MEGF10: variants seen among roughly 807,000 people sequenced by gnomAD.
MEGF10 encodes multiple epidermal growth factor-like domains protein 10.
In MEGF10, 86 loss-of-function variants were observed where a neutral mutation model predicts 147.5. The ratio of observed to expected loss-of-function variants is 0.58; its 90% CI spans 0.49 to 0.70. The LOEUF (loss-of-function observed/expected upper bound fraction) is 0.70, where lower values mean the gene tolerates loss of function less well. MEGF10 is among the 30% of genes least tolerant of loss of function. MEGF10 has a pLI of 0.00. For missense variants in MEGF10, 1,329 were observed against 1,487.3 expected (o/e 0.89, Z 1.75); for synonymous variants, 478 against 525.5 (o/e 0.91, Z 1.24).
At position 127,392,960 on chromosome 5, in the gene MEGF10, C is replaced by T. The variant is rs116703158; in HGVS notation, c.413-3572C>T. On this transcript the variant is annotated intron_variant, in intron 5 of 24. Coordinates refer to ENST00000503335, the MANE Select transcript of MEGF10 (RefSeq NM_001256545.2). ...CTTGCATCTGAGAGCCCATTTCCGG[C>T]GGTTAGTGCAGTTAGAACTGAAACC... Among the ~76,000 whole-genome samples, 917 of 152,282 alleles carry T rather than the reference C, an allele frequency of 6.0e-3. 8 individuals carry two copies. Among genetic ancestry groups the T allele is most frequent in the African/African-American group, 0.019 (808 of 41,552 alleles).
At chr5:127,260,216 T>A in the MEGF10 span, among the ~76,000 whole-genome samples, 1 of 151,940 alleles carries the variant, frequency 6.6e-6, no homozygotes, top group Non-Finnish European at 1.5e-5. Flanking sequence ...AAAAAAGAAT[T>A]CAAGAGGTAA....
At chr5:127,275,833 G>A in the MEGF10 span, among the ~76,000 whole-genome samples, 1 of 152,100 alleles carries the variant, frequency 6.6e-6, no homozygotes, top group Non-Finnish European at 1.5e-5. Context: ...GACTGTTTTT[G>A]TTATAGGAAA....
At chr5:127,438,340 C>G in intron 16 of MEGF10, 99 bp from the exon 17 acceptor site, 1 of 1,367,202 alleles carries the variant, frequency 7.3e-7, no homozygotes, top group Admixed American at 1.9e-5. Flanking sequence ...ACACTGCTAA[C>G]CTCTCACATG....
chr5:127,376,088 G>T (rs1460348856), intron 5 of MEGF10, among the ~76,000 whole-genome samples: 1 of 152,126 alleles, frequency 6.6e-6, no homozygotes, highest in African/African-American at 2.4e-5. Flanking sequence ...TTTTCTGAGT[G>T]GACAAGGGAG....
At chr5:127,370,089 C>T (rs1762797840) in intron 5 of MEGF10, 87 bp downstream of exon 5, 1 of 925,010 alleles carries the variant, frequency 1.1e-6, no homozygotes, top group Non-Finnish European at 1.7e-6. Context: ...CCATGCTTTC[C>T]CTCTTCATCC....
chr5:127,268,675 G>C, the MEGF10 span, among the ~76,000 whole-genome samples: 3 of 152,190 alleles, frequency 2.0e-5, no homozygotes, highest in African/African-American at 7.2e-5. Flanking sequence ...GGGCATAGCC[G>C]AACAAAAGGC....
chr5:127,421,905 T>C (rs1282852572), intron 12 of MEGF10, among the ~76,000 whole-genome samples: 1 of 145,474 alleles, frequency 6.9e-6, no homozygotes, highest in African/African-American at 2.5e-5. Context: ...AGGAGAATGG[T>C]GTGAACCCGG....
chr5:127,316,890 G>A (rs2126752315), intron 1 of MEGF10, among the ~76,000 whole-genome samples: 1 of 152,294 alleles, frequency 6.6e-6, no homozygotes, highest in African/African-American at 2.4e-5. Flanking sequence ...TAGCCAGGGA[G>A]CTCTTCTAAA....
At chr5:127,391,887 G>A (rs1251686776) in intron 5 of MEGF10, among the ~76,000 whole-genome samples, 2 of 152,138 alleles carry the variant, frequency 1.3e-5, no homozygotes, top group Middle Eastern at 3.2e-3. Context: ...CTAGTTGCTG[G>A]GCACAGTGGC....
intron 1 of MEGF10, among the ~76,000 whole-genome samples, chr5:127,291,867 G>A (rs746710003): frequency 1.3e-5 from 2 of 152,064 alleles, no homozygotes; most frequent in Non-Finnish European, 2.9e-5. Flanking sequence ...ATATCCTCAC[G>A]CAAGGACCCA....
chr5:127,322,953 T>G (rs1239112123), intron 1 of MEGF10, among the ~76,000 whole-genome samples: 2 of 152,114 alleles, frequency 1.3e-5, no homozygotes, highest in Non-Finnish European at 2.9e-5. Flanking sequence ...ACAATGTGTG[T>G]ATACACATAC....
chr5:127,380,401 G>A (rs780342208), intron 5 of MEGF10, among the ~76,000 whole-genome samples: 1 of 152,186 alleles, frequency 6.6e-6, no homozygotes, highest in Non-Finnish European at 1.5e-5. Context: ...AAAGGTTTTC[G>A]ACAGAGAGGG....
At chr5:127,318,009 A>G (rs1760633368) in intron 1 of MEGF10, among the ~76,000 whole-genome samples, 1 of 152,220 alleles carries the variant, frequency 6.6e-6, no homozygotes, top group South Asian at 2.1e-4. Flanking sequence ...TGAACTGATC[A>G]AACTGAAAAA....
intron 13 of MEGF10, among the ~76,000 whole-genome samples, chr5:127,427,654 A>G (rs1285475760): frequency 6.6e-6 from 1 of 152,082 alleles, no homozygotes; most frequent in Non-Finnish European, 1.5e-5. Context: ...ATGTTTTACC[A>G]AACAGCAAGT....
At chr5:127,393,129 T>C (rs1763767972) in intron 5 of MEGF10, among the ~76,000 whole-genome samples, 1 of 152,242 alleles carries the variant, frequency 6.6e-6, no homozygotes. Flanking sequence ...TTTTCTAAGT[T>C]GTTAGTGGGA....
chr5:127,360,329 A>G (rs1359024301), intron 4 of MEGF10, among the ~76,000 whole-genome samples: 1 of 151,926 alleles, frequency 6.6e-6, no homozygotes, highest in South Asian at 2.1e-4. Context: ...TTGCGTAGTG[A>G]CTTTTATCTG....
In MEGF10 at chr5:127,459,890, ATATCAATTTGGG is replaced by A. The variant is rs1766501780; in HGVS notation, c.*2575_*2586del. 6.6e-6 allele frequency: 1 copy of A among 152,220 alleles called. No homozygotes were observed. Among genetic ancestry groups the A allele is most frequent in the Non-Finnish European group, 1.5e-5 (1 of 68,034 alleles). The allele number at this position is 152,220 out of a possible 1,614,324, so 9.4% of individuals were successfully genotyped here. ...AAGGCAAAATTTTCTAAATATTTTGATATCAATTTGGGTAAAGAAAGGAATACTTTTGTTAGA... is the reference window on the plus strand; with the variant it reads ...AAGGCAAAATTTTCTAAATATTTTGATAAAGAAAGGAATACTTTTGTTAGA... On this transcript the variant is annotated 3_prime_UTR_variant, in exon 25 of 25. Transcript: ENST00000503335.
chr5:127,295,366 C>G (rs1163984356), intron 1 of MEGF10, among the ~76,000 whole-genome samples: 1 of 152,178 alleles, frequency 6.6e-6, no homozygotes, highest in Non-Finnish European at 1.5e-5. Context: ...TTGACCAGCT[C>G]AAGTTCAATA....
chr5:127,349,999 C>T (rs766770395), intron 4 of MEGF10, among the ~76,000 whole-genome samples: 13 of 151,996 alleles, frequency 8.6e-5, no homozygotes, highest in Non-Finnish European at 1.9e-4. Flanking sequence ...TAATATAATT[C>T]TTATATGAAA....
Sources: gnomAD v4.1 joint callset for allele counts (sites outside exome capture counted in the v4.1 genomes callset) on GRCh38, gnomAD v4.1.1 for gene constraint, MANE v1.5 for transcripts, NCBI Gene and HGNC (gene_info 2026-07-23, HGNC 2026-07-21) for gene names.